The following PCDHA5 variants were observed in gnomAD, a reference collection of about 807,000 sequenced individuals.
PCDHA5 encodes the protein protocadherin alpha-5.
Under a neutral mutation model 61.6 loss-of-function variants are expected in PCDHA5, and 43 were observed. The ratio of observed to expected loss-of-function variants is 0.70; its 90% CI spans 0.55 to 0.90. The LOEUF (loss-of-function observed/expected upper bound fraction) is 0.90, where lower values mean the gene tolerates loss of function less well. PCDHA5 is among the 40% of genes least tolerant of loss of function. PCDHA5 has a pLI of 0.00. For missense variants in PCDHA5, 1,298 were observed against 1,222.7 expected (o/e 1.06, Z -0.92); for synonymous variants, 627 against 543.9 (o/e 1.15, Z -2.13).
chr5:140,904,287 G>A (rs2071024041), intron 1 of PCDHA5, among the ~76,000 whole-genome samples: 1 of 151,908 alleles, frequency 6.6e-6, no homozygotes, highest in Non-Finnish European at 1.5e-5. Context: ...TGTGGTGTTT[G>A]GTTTTCCATT....
In PCDHA5 at chr5:140,851,314, CTTG is replaced by C. The variant is rs1205555988; in HGVS notation, c.2352+27190_2352+27192del. On this transcript the variant is annotated intron_variant, in intron 1 of 3. Coordinates refer to ENST00000529859, the MANE Select transcript of PCDHA5 (RefSeq NM_018908.3). ...AGCAAAAATATATAGCAATTGTTACCTTGTTAAGTTTGTAGTTCTCTACATTTC... is the reference window on the plus strand; with the variant it reads ...AGCAAAAATATATAGCAATTGTTACCTTAAGTTTGTAGTTCTCTACATTTC... 1.1e-5 allele frequency: 11 copies of C among 997,988 alleles called. 1 individual carries two copies. The South Asian group carries it at 3.6e-4, about 33-fold the overall frequency. The allele number at this position is 997,988 out of a possible 1,614,324, so 61.8% of individuals were successfully genotyped here.
chr5:140,890,879 A>C (rs1448155644), intron 1 of PCDHA5, among the ~76,000 whole-genome samples: 2 of 152,112 alleles, frequency 1.3e-5, no homozygotes, highest in Non-Finnish European at 2.9e-5. Flanking sequence ...CTGACCTTTC[A>C]TCAGGGATTA....
chr5:140,961,770 A>C, intron 1 of PCDHA5, among the ~76,000 whole-genome samples: 1 of 152,206 alleles, frequency 6.6e-6, no homozygotes, highest in East Asian at 1.9e-4. Flanking sequence ...ATTTATATCA[A>C]GCTTAATGGC....
At chr5:140,843,056 A>C in intron 1 of PCDHA5, 1 of 1,594,198 alleles carries the variant, frequency 6.3e-7, no homozygotes, top group Non-Finnish European at 8.6e-7. Context: ...CGCAGCGAGC[A>C]AGCTGGTGCC....
intron 1 of PCDHA5, chr5:140,841,822 GTTAACCTAC>G: frequency 6.2e-7 from 1 of 1,613,942 alleles, no homozygotes; most frequent in Non-Finnish European, 8.5e-7. Context: ...CTAACTCCGT[GTTAACCTAC>G]AGGCTTAGCT....
intron 1 of PCDHA5, chr5:140,928,243 G>A: frequency 6.2e-7 from 1 of 1,614,202 alleles, no homozygotes; most frequent in South Asian, 1.1e-5. Flanking sequence ...ACCCCAGCAG[G>A]AACTTTTCGT....
At chr5:140,889,176 A>T (rs2062131208) in intron 1 of PCDHA5, among the ~76,000 whole-genome samples, 1 of 151,738 alleles carries the variant, frequency 6.6e-6, no homozygotes, top group South Asian at 2.1e-4. Context: ...CAAGTTATAA[A>T]TAAGAATCTA....
intron 1 of PCDHA5, chr5:140,848,409 C>A: frequency 7.4e-7 from 1 of 1,356,090 alleles, no homozygotes; most frequent in Non-Finnish European, 1.0e-6. Flanking sequence ...CGATGGCGAA[C>A]ACAGCAGAAT....
intron 1 of PCDHA5, chr5:140,852,356 C>A: frequency 4.8e-6 from 1 of 206,680 alleles, no homozygotes; most frequent in Non-Finnish European, 9.4e-6. Flanking sequence ...TGGCTCACTG[C>A]AACGTCTGCC....
At chr5:140,836,610 A>T in intron 1 of PCDHA5, 1 of 1,613,696 alleles carries the variant, frequency 6.2e-7, no homozygotes, top group Non-Finnish European at 8.5e-7. Flanking sequence ...GGTGTGCTCC[A>T]GCGCGGTGGG....
chr5:140,997,324 T>C (rs1447294871), intron 3 of PCDHA5, among the ~76,000 whole-genome samples: 1 of 152,202 alleles, frequency 6.6e-6, no homozygotes, highest in Non-Finnish European at 1.5e-5. Context: ...TAGGCAGTTT[T>C]TTCGTTGTAC....
chr5:140,917,041 A>G (rs891465527), intron 1 of PCDHA5, among the ~76,000 whole-genome samples: 11 of 152,096 alleles, frequency 7.2e-5, no homozygotes, highest in Non-Finnish European at 1.6e-4. Flanking sequence ...AGTCCAGCAC[A>G]GTGTTGTTCC....
chr5:140,930,594 A>G (rs1554207944), intron 1 of PCDHA5: 2 of 152,716 alleles, frequency 1.3e-5, no homozygotes, highest in East Asian at 3.9e-4. Flanking sequence ...GACTTCTCAT[A>G]GAAATCCTAG....
chr5:140,928,863 C>T (rs1554206433), intron 1 of PCDHA5: 8 of 1,614,172 alleles, frequency 5.0e-6, no homozygotes, highest in Middle Eastern at 1.7e-4. Context: ...TGCTGTTGAG[C>T]AACTCTGTCC....
At chr5:140,829,216 C>T (rs2150164003) in intron 1 of PCDHA5, 2 of 1,614,120 alleles carry the variant, frequency 1.2e-6, no homozygotes, top group African/African-American at 2.7e-5. Context: ...TTAGCGTGAA[C>T]GACCTCGATT....
chr5:140,856,440 G>A, intron 1 of PCDHA5: 1 of 1,598,404 alleles, frequency 6.3e-7, no homozygotes, highest in Non-Finnish European at 8.6e-7. Context: ...AACCCGCCCA[G>A]GTTCTCCGTA....
chr5:140,906,824 G>A (rs2072970432), intron 1 of PCDHA5, among the ~76,000 whole-genome samples: 1 of 152,216 alleles, frequency 6.6e-6, no homozygotes, highest in African/African-American at 2.4e-5. Flanking sequence ...CTGTGGAGTA[G>A]TAGACTGATT....
chr5:140,954,615 C>A (rs782262504), intron 1 of PCDHA5, among the ~76,000 whole-genome samples: 16 of 151,806 alleles, frequency 1.1e-4, no homozygotes, highest in Non-Finnish European at 1.6e-4. Context: ...TTTTAATGGG[C>A]TTGTTTGGGT....
intron 1 of PCDHA5, chr5:140,829,142 G>A (rs2150162942): frequency 1.2e-6 from 2 of 1,613,390 alleles, no homozygotes; most frequent in South Asian, 1.1e-5. Flanking sequence ...CCCTGAGATA[G>A]CACTGACTTC....
Sources: gnomAD v4.1 joint callset for allele counts (sites outside exome capture counted in the v4.1 genomes callset) on GRCh38, gnomAD v4.1.1 for gene constraint, MANE v1.5 for transcripts, NCBI Gene and HGNC (gene_info 2026-07-23, HGNC 2026-07-21) for gene names.